The following EFL1 variants were observed in gnomAD, a reference collection of about 807,000 sequenced individuals.
The protein encoded by EFL1 is elongation factor like GTPase 1, also known as elongation factor-like GTPase 1.
Under a neutral mutation model 126.7 loss-of-function variants are expected in EFL1, and 76 were observed. The observed-to-expected ratio is 0.60, with a 90% CI of 0.50 to 0.73. The LOEUF is 0.73. Ranked by LOEUF, EFL1 falls within the 30% of genes least tolerant of loss-of-function variation. The probability of loss-of-function intolerance (pLI) is 0.00; values close to 1 mark genes in which losing one functional copy is unlikely to be tolerated. For synonymous variants in EFL1, 410 were observed against 448.4 expected (o/e 0.91, Z 1.08); for missense variants, 1,128 against 1,343.2 (o/e 0.84, Z 2.50).
intron 19 of EFL1, among the ~76,000 whole-genome samples, chr15:82,134,967 C>T: frequency 6.6e-6 from 1 of 152,110 alleles, no homozygotes; most frequent in East Asian, 1.9e-4. Context: ...AAAGAAGTGC[C>T]TTGGAGTGAG....
chr15:82,238,750 T>C (rs2141324602), intron 6 of EFL1, among the ~76,000 whole-genome samples: 1 of 152,264 alleles, frequency 6.6e-6, no homozygotes, highest in South Asian at 2.1e-4. Context: ...ATTTTGTGAT[T>C]ATTATTATTA....
rs775029374 is a variant in EFL1, at chr15:82,130,558, T to A, written c.3178A>T (p.Ile1060Phe). The A allele has an allele frequency of 6.2e-7, 1 of 1,613,392 alleles. No homozygotes were observed. The highest frequency in any genetic ancestry group is 1.3e-5 in the African/African-American group (1 of 74,896). ...PQLVFSHWEIIPSDPFWVPTT... is the reference protein window; with the variant it reads ...PQLVFSHWEIFPSDPFWVPTT... ...GGCACCCAGAAGGGGTCACTGGGAA[T>A]GATCTTGTAAAAGAAGATGACAGAA... The change falls in exon 20 of 20, where the codon ATT becomes TTT. Residue 1060 changes from isoleucine (I) to phenylalanine (F), a missense_variant. Coordinates refer to ENST00000268206, the MANE Select transcript of EFL1 (RefSeq NM_024580.6).
intron 6 of EFL1, among the ~76,000 whole-genome samples, chr15:82,239,324 G>C (rs2074907136): frequency 1.3e-5 from 2 of 152,076 alleles, no homozygotes; most frequent in Non-Finnish European, 2.9e-5. Context: ...TTTTAGTAGA[G>C]ACAGGGTTTC....
intron 15 of EFL1, among the ~76,000 whole-genome samples, chr15:82,164,894 C>T (rs2074062239): frequency 7.9e-6 from 1 of 126,922 alleles, no homozygotes; most frequent in African/African-American, 2.8e-5. Flanking sequence ...GAGATTCCAC[C>T]TCAAAAAAAA....
chr15:82,187,785 G>A (rs189979640), intron 15 of EFL1, among the ~76,000 whole-genome samples: 2 of 152,056 alleles, frequency 1.3e-5, no homozygotes, highest in Admixed American at 1.3e-4. Flanking sequence ...GTCTAGAGGA[G>A]GGAATATTTG....
intron 9 of EFL1, among the ~76,000 whole-genome samples, chr15:82,228,664 CTT>C (rs888034764): frequency 2.0e-5 from 3 of 152,214 alleles, no homozygotes; most frequent in Non-Finnish European, 4.4e-5. Flanking sequence ...CTAAAGCAAA[CTT>C]ATACCAGAAA....
At chr15:82,240,816 G>A (rs982156554) in intron 5 of EFL1, among the ~76,000 whole-genome samples, 1 of 152,210 alleles carries the variant, frequency 6.6e-6, no homozygotes, top group African/African-American at 2.4e-5. Flanking sequence ...CTGGGAGGCT[G>A]AGGCAGGTGG....
chr15:82,164,059 C>A, intron 15 of EFL1, 75 bp from the exon 16 acceptor site: 1 of 1,573,792 alleles, frequency 6.4e-7, no homozygotes, highest in South Asian at 1.2e-5. Context: ...ACAGCAGCAT[C>A]AACCCAGTAT....
chr15:82,232,952 T>G (rs2074837391), intron 7 of EFL1, among the ~76,000 whole-genome samples: 1 of 152,208 alleles, frequency 6.6e-6, no homozygotes, highest in African/African-American at 2.4e-5. Flanking sequence ...TATTATACAT[T>G]ATTTTATCTT....
At chr15:82,259,000 G>T in intron 3 of EFL1, 88 bp downstream of exon 3, 1 of 1,216,812 alleles carries the variant, frequency 8.2e-7, no homozygotes, top group Non-Finnish European at 1.2e-6. Context: ...ATACCCTTTT[G>T]GATGGCTGAA....
At chr15:82,251,915 T>C (rs2075025386) in intron 4 of EFL1, among the ~76,000 whole-genome samples, 1 of 152,250 alleles carries the variant, frequency 6.6e-6, no homozygotes, top group South Asian at 2.1e-4. Context: ...AGTTTCTCCA[T>C]AATCTAGCCC....
chr15:82,200,748 T>G (rs2074459150), intron 15 of EFL1, among the ~76,000 whole-genome samples: 1 of 152,234 alleles, frequency 6.6e-6, no homozygotes, highest in African/African-American at 2.4e-5. Flanking sequence ...ATCACTACTC[T>G]GATATTCTTT....
Position 82,163,869 on chromosome 15 carries a change from A to C in EFL1, c.1866T>G (p.Val622=). 1 of 1,614,096 alleles carries C rather than the reference A, an allele frequency of 6.2e-7. No individual in the cohort carries two copies. The highest frequency in any genetic ancestry group is 2.2e-5 in the East Asian group (1 of 44,878). The change falls in exon 16 of 20, where the codon GTT becomes GTG. Residue 622 remains valine, a synonymous_variant. Transcript: ENST00000268206. The part of the protein sequence containing the change: ...FEATPIVRVA[V]EPKHPSEMPQ... The stretch of plus-strand genomic sequence containing the variant: ...TCATCTTACTTGGATGTTTTGGTTC[A>C]ACAGCAACTCTCACAATAGGAGTGG...
intron 15 of EFL1, among the ~76,000 whole-genome samples, chr15:82,182,221 C>T (rs1186459204): frequency 6.6e-6 from 1 of 150,832 alleles, no homozygotes; most frequent in East Asian, 1.9e-4. Flanking sequence ...CATGCCACTG[C>T]ACTCTCCAGC....
intron 15 of EFL1, among the ~76,000 whole-genome samples, chr15:82,201,030 G>C (rs1485546760): frequency 6.6e-6 from 1 of 152,156 alleles, no homozygotes; most frequent in Non-Finnish European, 1.5e-5. Flanking sequence ...GTGCCACCAT[G>C]CCTGTTTTTT....
chr15:82,138,602 T>C (rs964327938), intron 19 of EFL1, 56 bp downstream of exon 19: 6 of 1,583,068 alleles, frequency 3.8e-6, no homozygotes, highest in Non-Finnish European at 4.3e-6. Flanking sequence ...GCCTCCTCTG[T>C]AGGGAATGTA....
Position 82,238,412 on chromosome 15 carries a change from T to C in EFL1, c.626A>G (p.Tyr209Cys), listed in dbSNP as rs2074896350. 2 of 1,614,206 alleles carry C rather than the reference T, an allele frequency of 1.2e-6. No individual in the cohort carries two copies. Among genetic ancestry groups the C allele is most frequent in the East Asian group, 4.5e-5 (2 of 44,888 alleles). ...GTCCTCCAAGCCAGTGCTCCAGTCA[T>C]ATACTTGCTCTCCTTGTTCAGAATT... The part of the protein sequence containing the change: ...NPNSEQGEQV[Y>C]DWSTGLEDTD... The change falls in exon 7 of 20, where the codon TAT (tyrosine) becomes TGT (cysteine). Residue 209 changes from tyrosine to cysteine, a missense_variant. Tyr to Cys is a radical substitution (Grantham distance 194, BLOSUM62 -2). This residue lies in a region of EFL1 where 316 missense variants were observed against 318.5 expected (regional missense o/e 0.99). Transcript: ENST00000268206.
chr15:82,251,643 T>TA (rs141699904), intron 4 of EFL1, among the ~76,000 whole-genome samples: 39,717 of 151,150 alleles, frequency 0.26, 5,600 homozygotes, highest in Non-Finnish European at 0.31. Flanking sequence ...AGAAGTGGTT[T>TA]AAAAAAAAAT....
At chr15:82,192,919 A>C (rs1434056903) in intron 15 of EFL1, among the ~76,000 whole-genome samples, 1 of 152,224 alleles carries the variant, frequency 6.6e-6, no homozygotes, top group Non-Finnish European at 1.5e-5. Flanking sequence ...ACTACAGGAA[A>C]AACTATGGAA....
Sources: allele counts gnomAD v4.1 joint callset (sites outside exome capture counted in the v4.1 genomes callset), GRCh38; gene constraint gnomAD v4.1.1; regional missense constraint gnomAD v4.1.1; transcripts MANE v1.5; gene names NCBI Gene and HGNC (gene_info 2026-07-23, HGNC 2026-07-21).